The following RCAN3 variants were observed in gnomAD, a reference collection of about 807,000 sequenced individuals.
The protein encoded by RCAN3 is regulator of calcineurin 3.
In RCAN3, 19 loss-of-function variants were observed where a neutral mutation model predicts 21.9. The ratio of observed to expected loss-of-function variants is 0.87; its 90% CI spans 0.61 to 1.27. The LOEUF (loss-of-function observed/expected upper bound fraction) is 1.27. RCAN3 is among the 50% of genes most tolerant of loss of function. RCAN3 has a pLI of 0.00. For missense variants in RCAN3, 240 were observed against 300.1 expected, an observed-to-expected ratio of 0.80 and a Z score of 1.48; for synonymous variants, 114 against 112.3, an observed-to-expected ratio of 1.01 and a Z score of -0.09.
intron 2 of RCAN3, among the ~76,000 whole-genome samples, chr1:24,530,860 A>G (rs1057161925): frequency 3.9e-5 from 6 of 152,120 alleles, no homozygotes; most frequent in African/African-American, 1.4e-4. Flanking sequence ...AAATGTAAAA[A>G]TTAGCCGGGC....
At chr1:24,522,296 C>A (rs1403754785) in intron 2 of RCAN3, among the ~76,000 whole-genome samples, 8 of 152,170 alleles carry the variant, frequency 5.3e-5, no homozygotes, top group African/African-American at 1.9e-4. Context: ...GGTGTGACCT[C>A]ACACCTGGCC....
rs200892703 is a variant in RCAN3 at position 24,535,309 on chromosome 1, T to A, written c.*32T>A. On this transcript the variant is annotated 3_prime_UTR_variant, in exon 5 of 5. Transcript: ENST00000374395. Reference sequence around the variant, plus strand: ...TGGTTGTGGTGCGAGGCGGCTGCCCTGGTGGGCTCTGGCCATGGCGCTCTG... The same window carrying A: ...TGGTTGTGGTGCGAGGCGGCTGCCCAGGTGGGCTCTGGCCATGGCGCTCTG... The A allele has an allele frequency of 4.4e-5, 67 of 1,506,314 alleles. No homozygotes were observed. The African/African-American group carries it at 8.8e-4, about 20-fold the overall frequency. 93.3% of individuals were successfully genotyped at this position (1,506,314 alleles called of 1,614,324 possible). A position where few individuals can be genotyped will look rare whatever the true frequency, so the allele number is the denominator to read the frequency against.
intron 2 of RCAN3, among the ~76,000 whole-genome samples, chr1:24,524,827 TG>T (rs1304425780): frequency 1.4e-4 from 16 of 112,344 alleles, no homozygotes; most frequent in African/African-American, 4.1e-4. Flanking sequence ...TGTTTTCTTT[TG>T]TTTTTTTTTT....
Position 24,514,541 on chromosome 1 carries a change from G to A in RCAN3, c.169G>A (p.Ala57Thr). The A allele has an allele frequency of 6.2e-7, 1 of 1,613,878 alleles. No homozygotes were observed. The change falls in exon 2 of 5, where the codon GCA (alanine) becomes ACA (threonine). Residue 57 changes from alanine to threonine, a missense_variant. By Grantham distance (58) the Ala-to-Thr change is moderately conservative. Coordinates refer to ENST00000374395, the MANE Select transcript of RCAN3 (RefSeq NM_013441.4). The stretch of plus-strand genomic sequence containing the variant: ...ACTTTTTGCTTGCAGCGTCCATGAA[G>A]CAGTGTTTGAGGCACGAGAGCAGAA... The part of the protein sequence containing the change: ...TSLFACSVHE[A>T]VFEAREQKER...
intron 1 of RCAN3, among the ~76,000 whole-genome samples, chr1:24,508,111 T>C (rs1436311241): frequency 6.6e-6 from 1 of 151,362 alleles, no homozygotes; most frequent in Non-Finnish European, 1.5e-5. Context: ...TGAAACTCCG[T>C]CTCAAAAAAA....
At chr1:24,532,343 C>T (rs950136765) in intron 3 of RCAN3, among the ~76,000 whole-genome samples, 2 of 152,148 alleles carry the variant, frequency 1.3e-5, no homozygotes, top group South Asian at 4.1e-4. Flanking sequence ...TCTCCCGCCT[C>T]CGCCTCCCAA....
rs183506350 is a variant in RCAN3 at position 24,520,021 on chromosome 1, G to A, written c.195+5454G>A. On this transcript the variant is annotated intron_variant, in intron 2 of 4. Coordinates refer to ENST00000374395, the MANE Select transcript of RCAN3 (RefSeq NM_013441.4). ...AGTAAATGATATTTGGAAGCTGAGT[G>A]AAGTGATCTTATGATTTTTAGACTA... Among the ~76,000 whole-genome samples the A allele has an allele frequency of 4.6e-5, 7 of 152,332 alleles. No individual in the cohort carries two copies. In the East Asian group the frequency reaches 1.3e-3, roughly 29 times the overall value.
Position 24,535,375 on chromosome 1 carries a change from ACT to A in RCAN3, c.*101_*102del, listed in dbSNP as rs1018949214. ...CGTTGCTGCGAACAGCATAGGTGAGACTCTGCCGAGTGAGGTATAGGTCTTCT... is the reference window on the plus strand; with the variant it reads ...CGTTGCTGCGAACAGCATAGGTGAGACTGCCGAGTGAGGTATAGGTCTTCT... On this transcript the variant is annotated 3_prime_UTR_variant, in exon 5 of 5. Coordinates refer to ENST00000374395, the MANE Select transcript of RCAN3 (RefSeq NM_013441.4). 102 of 1,343,498 alleles carry A rather than the reference ACT, an allele frequency of 7.6e-5. 1 individual carries two copies. In the African/African-American group the frequency reaches 1.0e-3, roughly 13 times the overall value. 83.2% of individuals were successfully genotyped at this position (1,343,498 alleles called of 1,614,324 possible). A position where few individuals can be genotyped will look rare whatever the true frequency, so the allele number is the denominator to read the frequency against.
intron 2 of RCAN3, among the ~76,000 whole-genome samples, chr1:24,520,466 G>A (rs1648696926): frequency 6.6e-6 from 1 of 152,148 alleles, no homozygotes; most frequent in African/African-American, 2.4e-5. Context: ...ATAACATTAA[G>A]ATGTCAGTAC....
At chr1:24,508,821 A>T (rs1050045428) in intron 1 of RCAN3, among the ~76,000 whole-genome samples, 4 of 152,194 alleles carry the variant, frequency 2.6e-5, no homozygotes, top group African/African-American at 9.7e-5. Context: ...CATATGTCTT[A>T]AAAAAATTTA....
At chr1:24,510,867 T>C (rs1234448858) in intron 1 of RCAN3, among the ~76,000 whole-genome samples, 1 of 152,188 alleles carries the variant, frequency 6.6e-6, no homozygotes, top group Non-Finnish European at 1.5e-5. Flanking sequence ...GGATGCTTCC[T>C]TTCACTTGAA....
chr1:24,507,735 T>A (rs1647551542), intron 1 of RCAN3: 1 of 152,220 alleles, frequency 6.6e-6, no homozygotes, highest in South Asian at 2.1e-4. Flanking sequence ...ATGAGTAAGT[T>A]AAAAACAGTT....
chr1:24,535,500 G>T lies in RCAN3; in HGVS notation c.*223G>T. 1 of 419,232 alleles carries T rather than the reference G, an allele frequency of 2.4e-6. No individual in the cohort carries two copies. Among genetic ancestry groups the T allele is most frequent in the Non-Finnish European group, 4.0e-6 (1 of 247,248 alleles). The allele number at this position is 419,232 out of a possible 1,614,324, so 26.0% of individuals were successfully genotyped here. A position where few individuals can be genotyped will look rare whatever the true frequency, so the allele number is the denominator to read the frequency against. Reference sequence around the variant, plus strand: ...ATTCCAAAAGGGACTTTACATTAAAGGAGAAGCCCCCAAGATGTGGCCACC... The same window carrying T: ...ATTCCAAAAGGGACTTTACATTAAATGAGAAGCCCCCAAGATGTGGCCACC... On this transcript the variant is annotated 3_prime_UTR_variant, in exon 5 of 5. Transcript: ENST00000374395.
At chr1:24,512,003 A>G (rs196402) in intron 1 of RCAN3, among the ~76,000 whole-genome samples, 81,406 of 151,840 alleles carry the variant, frequency 0.54, 22,715 homozygotes, top group East Asian at 0.73. Flanking sequence ...TAGGGGGAGC[A>G]TGAGGGGAGG....
At position 24,535,960 on chromosome 1, in the gene RCAN3, C is replaced by A. The variant is rs1386169779; in HGVS notation, c.*683C>A. 1 of 152,154 alleles carries A rather than the reference C, an allele frequency of 6.6e-6. No individual in the cohort carries two copies. Among genetic ancestry groups the A allele is most frequent in the Non-Finnish European group, 1.5e-5 (1 of 68,046 alleles). The allele number at this position is 152,154 out of a possible 1,614,324, so 9.4% of individuals were successfully genotyped here. ...CAAAGCAATGCACAGGCCCTCATTC[C>A]TGATGTGGCGCCCTCCAGACATGGC... On this transcript the variant is annotated 3_prime_UTR_variant, in exon 5 of 5. Coordinates refer to ENST00000374395, the MANE Select transcript of RCAN3 (RefSeq NM_013441.4).
chr1:24,517,413 G>A (rs1053982544), intron 2 of RCAN3, among the ~76,000 whole-genome samples: 1 of 152,064 alleles, frequency 6.6e-6, no homozygotes, highest in African/African-American at 2.4e-5. Flanking sequence ...CACCGTATCC[G>A]GCCAATCTTT....
At position 24,537,591 on chromosome 1, in the gene RCAN3, T is replaced by G. The variant is rs1650298996; in HGVS notation, c.*2314T>G. On this transcript the variant is annotated 3_prime_UTR_variant, in exon 5 of 5. Transcript: ENST00000374395. ...TTTCTGCAATTTTTTTGAAATTGAGTTATTACTTGGATTTAACCCTGATAG... is the reference window on the plus strand; with the variant it reads ...TTTCTGCAATTTTTTTGAAATTGAGGTATTACTTGGATTTAACCCTGATAG... 9.6e-6 allele frequency: 1 copy of G among 103,736 alleles called. No individual in the cohort carries two copies. The highest frequency in any genetic ancestry group is 1.9e-5 in the Non-Finnish European group (1 of 51,958). The allele number at this position is 103,736 out of a possible 1,614,324, so 6.4% of individuals were successfully genotyped here.
intron 2 of RCAN3, among the ~76,000 whole-genome samples, chr1:24,527,262 C>T (rs1184095292): frequency 1.3e-5 from 2 of 152,128 alleles, no homozygotes; most frequent in African/African-American, 4.8e-5. Context: ...CTCTGCCTCC[C>T]AAAGTGTTGG....
intron 2 of RCAN3, among the ~76,000 whole-genome samples, chr1:24,530,093 C>G (rs1375731127): frequency 3.3e-5 from 5 of 151,608 alleles, no homozygotes; most frequent in Admixed American, 1.3e-4. Flanking sequence ...TGGCTCATAC[C>G]TATAATCCCA....
Sources: gnomAD v4.1 joint callset for allele counts (sites outside exome capture counted in the v4.1 genomes callset) on GRCh38, gnomAD v4.1.1 for gene constraint, MANE v1.5 for transcripts, NCBI Gene and HGNC (gene_info 2026-07-23, HGNC 2026-07-21) for gene names.